The following ADRA1A variants were observed in gnomAD, a reference collection of about 807,000 sequenced individuals.
The protein encoded by ADRA1A is alpha-1A adrenergic receptor.
A neutral mutation model predicts 29.6 loss-of-function variants in ADRA1A; 31 were observed. The ratio of observed to expected loss-of-function variants is 1.05; its 90% CI spans 0.79 to 1.41. The LOEUF (loss-of-function observed/expected upper bound fraction) is 1.41. Among genes scored for constraint, ADRA1A ranks in the 40% most tolerant of loss-of-function variants. The pLI is 0.00. For synonymous variants in ADRA1A, 311 were observed against 254.3 expected, an observed-to-expected ratio of 1.22 and a Z score of -2.12; for missense variants, 619 against 601.1, an observed-to-expected ratio of 1.03 and a Z score of -0.31.
At chr8:26,757,523 C>T (rs1805249785) in intron 2 of ADRA1A, among the ~76,000 whole-genome samples, 1 of 151,606 alleles carries the variant, frequency 6.6e-6, no homozygotes, top group Admixed American at 6.6e-5. Flanking sequence ...CCCCCACCCC[C>T]CACCTCTGCT....
chr8:26,770,713 A>C, intron 2 of ADRA1A, 47 bp from the exon 3 acceptor site: 1 of 1,539,474 alleles, frequency 6.5e-7, no homozygotes, highest in Non-Finnish European at 8.7e-7. Context: ...AAAGCCAGCA[A>C]GCCAATTGGC....
chr8:26,820,949 G>A (rs1810126445), intron 2 of ADRA1A, among the ~76,000 whole-genome samples: 1 of 152,036 alleles, frequency 6.6e-6, no homozygotes, highest in Non-Finnish European at 1.5e-5. Context: ...GAGAGCAGTG[G>A]TGCCATCTTA....
downstream of ADRA1A, among the ~76,000 whole-genome samples, chr8:26,764,368 G>C (rs1286267190): frequency 1.3e-5 from 2 of 152,140 alleles, no homozygotes; most frequent in Non-Finnish European, 2.9e-5. Context: ...GTGCTTGTCT[G>C]TCAGTCAATG....
At chr8:26,766,808 G>T (rs1395633685), downstream of ADRA1A, among the ~76,000 whole-genome samples, 1 of 152,076 alleles carries the variant, frequency 6.6e-6, no homozygotes, top group Admixed American at 6.6e-5. Context: ...AAGGAGTTTA[G>T]AGGCAATGGG....
rs77099494 is a variant in ADRA1A at position 26,782,145 on chromosome 8, T to C, written c.884-11479A>G. ...CCTTGCTCTTCACTCCCAGCTCCTG[T>C]GCAGCTCCCTCCCCTGCCTGGATTA... On this transcript the variant is annotated intron_variant, in intron 2 of 2. Transcript: ENST00000380573. Among the ~76,000 whole-genome samples, 252 of 152,326 alleles carry C rather than the reference T, an allele frequency of 1.7e-3. 5 individuals carry two copies. In the East Asian group the frequency reaches 0.044, roughly 26 times the overall value.
At chr8:26,810,778 C>T (rs1809326533) in intron 2 of ADRA1A, among the ~76,000 whole-genome samples, 1 of 152,140 alleles carries the variant, frequency 6.6e-6, no homozygotes, top group Non-Finnish European at 1.5e-5. Flanking sequence ...CCTTGGATGG[C>T]ACGTTTGCAG....
At chr8:26,859,182 C>A in intron 2 of ADRA1A, 1 of 1,289,374 alleles carries the variant, frequency 7.8e-7, no homozygotes, top group East Asian at 5.5e-5. Flanking sequence ...CAAAACAGCA[C>A]GTCATATTTA....
chr8:26,823,927 C>T lies in ADRA1A; in HGVS notation c.883+40160G>A, dbSNP rs1394068608. On this transcript the variant is annotated intron_variant, in intron 2 of 2. Coordinates refer to ENST00000380573, the MANE Select transcript of ADRA1A (RefSeq NM_000680.4). The surrounding 1 kb of genome is among the most constrained non-coding windows in gnomAD (Gnocchi z 4.2). ...CCTTTCTTTGGGTCTTTGTTCCACG[C>T]TATGTTACTCTGGGCTCATTTAGAA... Among the ~76,000 whole-genome samples, 1 of 152,098 alleles carries T rather than the reference C, an allele frequency of 6.6e-6. No individual in the cohort carries two copies. The highest frequency in any genetic ancestry group is 1.9e-4 in the East Asian group (1 of 5,182).
chr8:26,777,128 A>G lies in ADRA1A; in HGVS notation c.884-6462T>C, dbSNP rs77906822. 1.7e-3 allele frequency among the ~76,000 whole-genome samples: 253 copies of G among 152,324 alleles called. 5 individuals are homozygous for G. In the East Asian group the frequency reaches 0.043, roughly 26 times the overall value. On this transcript the variant is annotated intron_variant, in intron 2 of 2. Coordinates refer to ENST00000380573, the MANE Select transcript of ADRA1A (RefSeq NM_000680.4). ...CTACCAGATGCCTTTGTGCTGAACT[A>G]CTTTGGCCTGAACCCTCCTGGGGTT... is the stretch of plus-strand genomic sequence containing the variant.
Position 26,864,771 on chromosome 8 carries a change from T to A in ADRA1A, c.199A>T (p.Asn67Tyr). Residue 67 changes from asparagine (N) to tyrosine (Y), a missense_variant, in exon 2 of 3, where the codon AAC becomes TAC. Physicochemically the swap from Asn to Tyr is moderately radical, Grantham distance 143. Coordinates refer to ENST00000380573, the MANE Select transcript of ADRA1A (RefSeq NM_000680.4). This position sits in a 1 kb window ranked among gnomAD's most constrained non-coding sequence, Gnocchi z 8.1. ...LHSVTHYYIVNLAVADLLLTS... is the reference protein window; with the variant it reads ...LHSVTHYYIVYLAVADLLLTS... ...AGCAGGAGGTCGGCCACCGCCAGGT[T>A]GACGATGTAGTAGTGCGTGACTGAG... The A allele has an allele frequency of 6.2e-7, 1 of 1,614,000 alleles. No individual in the cohort carries two copies. Among genetic ancestry groups the A allele is most frequent in the Non-Finnish European group, 8.5e-7 (1 of 1,179,990 alleles).
chr8:26,769,300 T>C lies in ADRA1A; in HGVS notation c.*849A>G. 1 of 985,372 alleles carries C rather than the reference T, an allele frequency of 1.0e-6. No individual in the cohort carries two copies. The highest frequency in any genetic ancestry group is 1.2e-6 in the Non-Finnish European group (1 of 829,872). 61.0% of individuals were successfully genotyped at this position (985,372 alleles called of 1,614,324 possible). A position where few individuals can be genotyped will look rare whatever the true frequency, so the allele number is the denominator to read the frequency against. Reference sequence around the variant, plus strand: ...CAAGAAATTAACAGCCACACCAACCTCTTGCTCTTTAAAGATATTAGAGAG... The same window carrying C: ...CAAGAAATTAACAGCCACACCAACCCCTTGCTCTTTAAAGATATTAGAGAG... On this transcript the variant is annotated 3_prime_UTR_variant, in exon 3 of 3. Transcript: ENST00000380573.
chr8:26,812,209 A>T (rs1809443512), intron 2 of ADRA1A, among the ~76,000 whole-genome samples: 1 of 152,188 alleles, frequency 6.6e-6, no homozygotes, highest in Non-Finnish European at 1.5e-5. Context: ...CTTCTTCGAC[A>T]TTCTCATGCC....
At chr8:26,840,552 C>G (rs1311741186) in intron 2 of ADRA1A, among the ~76,000 whole-genome samples, 1 of 151,448 alleles carries the variant, frequency 6.6e-6, no homozygotes, top group African/African-American at 2.4e-5. Flanking sequence ...CAATGCACTT[C>G]TTGGGAAGTT....
In ADRA1A at chr8:26,866,571, G is replaced by A. The variant is rs945153709; in HGVS notation, c.-687+365C>T. 6.6e-6 allele frequency among the ~76,000 whole-genome samples: 1 copy of A among 152,168 alleles called. No individual in the cohort carries two copies. Among genetic ancestry groups the A allele is most frequent in the Non-Finnish European group, 1.5e-5 (1 of 68,034 alleles). On this transcript the variant is annotated intron_variant, in intron 1 of 2. Transcript: ENST00000380573. This position sits in a 1 kb window ranked among gnomAD's most constrained non-coding sequence, Gnocchi z 5.7. The stretch of plus-strand genomic sequence containing the variant: ...TACCGCAGGGACTCGGCAGGACAGC[G>A]CGGCGTGAGGAAGTGCCCACCTTGC...
downstream of ADRA1A, among the ~76,000 whole-genome samples, chr8:26,752,125 A>G (rs184768379): frequency 3.9e-3 from 590 of 152,216 alleles, 5 homozygotes; most frequent in African/African-American, 0.014. Context: ...AAATCACTAG[A>G]TAGGATTCAA....
chr8:26,766,300 T>C (rs1056943337), downstream of ADRA1A: 6 of 647,528 alleles, frequency 9.3e-6, no homozygotes, highest in African/African-American at 1.1e-4. Flanking sequence ...ACACCCGATA[T>C]GTGTCCTGTC....
chr8:26,772,628 T>G (rs1806256519), intron 2 of ADRA1A, among the ~76,000 whole-genome samples: 1 of 152,230 alleles, frequency 6.6e-6, no homozygotes, highest in East Asian at 1.9e-4. Flanking sequence ...TTTTATGTCT[T>G]TCTTTTCCTC....
At chr8:26,773,489 C>T (rs1806325915) in intron 2 of ADRA1A, among the ~76,000 whole-genome samples, 1 of 152,114 alleles carries the variant, frequency 6.6e-6, no homozygotes, top group Non-Finnish European at 1.5e-5. Flanking sequence ...CCTGCCTGGG[C>T]CTGTGCTTAA....
At chr8:26,808,994 T>G (rs889614462) in intron 2 of ADRA1A, among the ~76,000 whole-genome samples, 1 of 152,180 alleles carries the variant, frequency 6.6e-6, no homozygotes, top group African/African-American at 2.4e-5. Flanking sequence ...AATGAGAAAC[T>G]TGCTTTCTCT....
Sources: allele counts gnomAD v4.1 joint callset (sites outside exome capture counted in the v4.1 genomes callset), GRCh38; gene constraint gnomAD v4.1.1; non-coding constraint Gnocchi (gnomAD v3.1); transcripts MANE v1.5; gene names NCBI Gene and HGNC (gene_info 2026-07-23, HGNC 2026-07-21).